The following ATP8A2 variants were observed in gnomAD, a reference collection of about 807,000 sequenced individuals.
ATP8A2 encodes the protein phospholipid-transporting ATPase IB.
Under a neutral mutation model 165.6 loss-of-function variants are expected in ATP8A2, and 100 were observed. The observed-to-expected ratio is 0.60, with a 90% CI of 0.51 to 0.71. The LOEUF is 0.71. Among genes scored for constraint, ATP8A2 ranks in the 30% least tolerant of loss-of-function variants. The pLI, the probability that ATP8A2 is intolerant of heterozygous loss-of-function variation, is 0.00. For missense variants in ATP8A2, 1,227 were observed against 1,479.5 expected, an observed-to-expected ratio of 0.83 and a Z score of 2.80; for synonymous variants, 543 against 548.8, an observed-to-expected ratio of 0.99 and a Z score of 0.15.
chr13:25,809,495 G>A (rs1950814673), intron 27 of ATP8A2, among the ~76,000 whole-genome samples: 1 of 151,782 alleles, frequency 6.6e-6, no homozygotes, highest in Non-Finnish European at 1.5e-5. Context: ...CCCTCCCTTT[G>A]TGATCCACCC....
intron 2 of ATP8A2, among the ~76,000 whole-genome samples, chr13:25,482,460 G>A (rs1490416492): frequency 1.3e-5 from 2 of 152,116 alleles, no homozygotes; most frequent in East Asian, 1.9e-4. Flanking sequence ...AGATGAGTAC[G>A]AGTCAGCCTG....
At chr13:25,667,352 G>A (rs2042175773) in intron 24 of ATP8A2, among the ~76,000 whole-genome samples, 1 of 152,176 alleles carries the variant, frequency 6.6e-6, no homozygotes, top group African/African-American at 2.4e-5. Context: ...GGTTACGGGA[G>A]TGGATCCTTC....
intron 30 of ATP8A2, among the ~76,000 whole-genome samples, chr13:25,850,507 A>C (rs1951980178): frequency 7.0e-6 from 1 of 142,090 alleles, no homozygotes. Context: ...TGCCCCCCAT[A>C]CTACTTTCTC....
At chr13:25,740,091 C>G (rs915959264) in intron 25 of ATP8A2, among the ~76,000 whole-genome samples, 1 of 152,110 alleles carries the variant, frequency 6.6e-6, no homozygotes, top group Non-Finnish European at 1.5e-5. Context: ...GGGCGGATCA[C>G]AAGGTCAGGA....
At position 25,839,614 on chromosome 13, in the gene ATP8A2, T is replaced by C. The variant is rs374606812; in HGVS notation, c.2946T>C (p.Ala982=). Residue 982 remains alanine (A), a synonymous_variant, in exon 30 of 37, where the codon GCT becomes GCC. Coordinates refer to ENST00000381655, the MANE Select transcript of ATP8A2 (RefSeq NM_016529.6). ...TCCTCTTCTGGTTTCCCATGAAAGC[T>C]CTGGAGCATGGTAAGGGCTGTGTGA... ...SLILFWFPMK[A]LEHDTVLTSG... The C allele has an allele frequency of 3.7e-6, 6 of 1,613,632 alleles. No individual in the cohort carries two copies. Among genetic ancestry groups the C allele is most frequent in the Non-Finnish European group, 5.1e-6 (6 of 1,179,648 alleles).
intron 33 of ATP8A2, 83 bp from the exon 34 acceptor site, chr13:25,961,492 G>A: frequency 1.7e-6 from 2 of 1,176,848 alleles, no homozygotes; most frequent in Non-Finnish European, 2.5e-6. Context: ...TTTGTGTTGT[G>A]AAATATTATC....
At chr13:26,002,497 C>T (rs567699668) in intron 35 of ATP8A2, among the ~76,000 whole-genome samples, 9 of 151,192 alleles carry the variant, frequency 6.0e-5, no homozygotes, top group East Asian at 2.0e-4. Context: ...CAAACCAACA[C>T]GGCACATGTA....
At chr13:25,387,455 G>T (rs1328375105) in intron 1 of ATP8A2, among the ~76,000 whole-genome samples, 2 of 151,954 alleles carry the variant, frequency 1.3e-5, no homozygotes, top group East Asian at 3.9e-4. Context: ...GCTCTTGGTG[G>T]GGTTCACCTG....
intron 1 of ATP8A2, among the ~76,000 whole-genome samples, chr13:25,420,028 G>A (rs1287601383): frequency 1.3e-5 from 2 of 152,156 alleles, no homozygotes; most frequent in Non-Finnish European, 2.9e-5. Context: ...ATGTACTGAT[G>A]GTGGGTACAT....
At chr13:25,896,115 T>C (rs1158454348) in intron 33 of ATP8A2, among the ~76,000 whole-genome samples, 2 of 152,242 alleles carry the variant, frequency 1.3e-5, no homozygotes, top group Non-Finnish European at 2.9e-5. Flanking sequence ...GTTCTTTTAA[T>C]TGTAATGTTA....
intron 35 of ATP8A2, among the ~76,000 whole-genome samples, chr13:26,003,969 T>A (rs1956688015): frequency 6.6e-6 from 1 of 152,168 alleles, no homozygotes; most frequent in African/African-American, 2.4e-5. Flanking sequence ...TCAGCCTTTT[T>A]CTTAGTGCTC....
At chr13:25,683,089 AG>A (rs1209395989) in intron 24 of ATP8A2, among the ~76,000 whole-genome samples, 3 of 152,244 alleles carry the variant, frequency 2.0e-5, no homozygotes, top group Admixed American at 6.5e-5. Flanking sequence ...ATATACACAG[AG>A]AGTGAAAGAT....
chr13:25,617,752 A>C (rs1280897539), intron 24 of ATP8A2, among the ~76,000 whole-genome samples: 4 of 152,194 alleles, frequency 2.6e-5, no homozygotes, highest in African/African-American at 9.6e-5. Flanking sequence ...TTTCTTTATT[A>C]ATGTAGAATT....
Position 25,959,404 on chromosome 13 carries a change from G to A in ATP8A2, c.3184-2171G>A, listed in dbSNP as rs367658822. ...TGAAGGAGGCACTCTCAAGTCCATCGGGGCCTGGGACACCCCACTGTTTTT... is the reference window on the plus strand; with the variant it reads ...TGAAGGAGGCACTCTCAAGTCCATCAGGGCCTGGGACACCCCACTGTTTTT... On this transcript the variant is annotated intron_variant, in intron 33 of 36. Transcript: ENST00000381655. Among the ~76,000 whole-genome samples, 49 of 152,328 alleles carry A rather than the reference G, an allele frequency of 3.2e-4. No homozygotes were observed. In the East Asian group the frequency reaches 3.9e-3, roughly 12 times the overall value.
intron 6 of ATP8A2, among the ~76,000 whole-genome samples, chr13:25,536,694 TAGAA>T (rs1302062473): frequency 1.3e-5 from 2 of 152,188 alleles, no homozygotes; most frequent in South Asian, 2.1e-4. Context: ...GAATAGGAAA[TAGAA>T]AGCATAAATG....
chr13:25,472,248 G>T (rs2035864861), intron 2 of ATP8A2, among the ~76,000 whole-genome samples: 2 of 152,098 alleles, frequency 1.3e-5, no homozygotes. Flanking sequence ...ACAAAAATTA[G>T]CCGGGCGTGG....
At chr13:25,744,361 C>T (rs1016206238) in intron 25 of ATP8A2, among the ~76,000 whole-genome samples, 6 of 151,802 alleles carry the variant, frequency 4.0e-5, no homozygotes, top group Non-Finnish European at 5.9e-5. Flanking sequence ...CTCTGTGAGC[C>T]GGTGGCTCAG....
Position 25,559,705 on chromosome 13 carries a change from T to C in ATP8A2, c.1353-16T>C, listed in dbSNP as rs749110613. ...TCACAGTTTTGTGACCACTCTGTTT[T>C]CCGTTTCTCTGGCAGTCACTTCCCA... is the stretch of plus-strand genomic sequence containing the variant. On this transcript the variant is annotated splice_polypyrimidine_tract_variant and intron_variant, in intron 14 of 36. Transcript: ENST00000381655. The C allele has an allele frequency of 6.2e-7, 1 of 1,611,010 alleles. No homozygotes were observed. The highest frequency in any genetic ancestry group is 8.5e-7 in the Non-Finnish European group (1 of 1,177,192).
Position 25,465,669 on chromosome 13 carries a change from T to TCC in ATP8A2, c.77-3308_77-3307insCC, listed in dbSNP as rs1566152949. Among the ~76,000 whole-genome samples the TCC allele has an allele frequency of 6.3e-3, 65 of 10,378 alleles. 2 individuals carry two copies. The highest frequency in any genetic ancestry group is 0.028 in the South Asian group (9 of 316). 6.8% of individuals were successfully genotyped at this position (10,378 alleles called of 152,430 possible). Reference sequence around the variant, plus strand: ...CCCCAGAAATCTTGCAGAGTTTTCTTTCTTTCTTTCTTTCTTTCTTTCTTT... The same window carrying TCC: ...CCCCAGAAATCTTGCAGAGTTTTCTTCCTCTTTCTTTCTTTCTTTCTTTCTTT... On this transcript the variant is annotated intron_variant, in intron 1 of 36. Transcript: ENST00000381655.
Sources: allele counts gnomAD v4.1 joint callset (sites outside exome capture counted in the v4.1 genomes callset), GRCh38; gene constraint gnomAD v4.1.1; transcripts MANE v1.5; gene names NCBI Gene and HGNC (gene_info 2026-07-23, HGNC 2026-07-21).